The following ANKRD17 variants were observed in gnomAD, a reference collection of about 807,000 sequenced individuals.
ANKRD17 encodes ankyrin repeat domain 17.
ANKRD17 carries 19 observed loss-of-function variants against 229.7 expected under a neutral mutation model. The ratio of observed to expected loss-of-function variants is 0.08; its 90% CI spans 0.06 to 0.12. The LOEUF is 0.12. Ranked by LOEUF, ANKRD17 falls within the 10% of genes least tolerant of loss-of-function variation. ANKRD17 has a pLI of 1.00. For synonymous variants in ANKRD17, 1,112 were observed against 1,146.1 expected (o/e 0.97, Z 0.60); for missense variants, 2,176 against 3,176.8 (o/e 0.68, Z 7.57).
chr4:73,120,282 C>T lies in ANKRD17; in HGVS notation c.3905G>A (p.Arg1302Gln), dbSNP rs933287090. Residue 1302 changes from arginine to glutamine, a missense_variant, in exon 21 of 34, where the codon CGA (arginine) becomes CAA (glutamine). By Grantham distance (43) the Arg-to-Gln change is conservative. Coordinates refer to ENST00000358602, the MANE Select transcript of ANKRD17 (RefSeq NM_032217.5). ...AASGGYAEVGRVLLDKGADVN... is the reference protein window; with the variant it reads ...AASGGYAEVGQVLLDKGADVN... ...ATCAGCACCTTTATCCAAAAGAACTCGGCCCACCTCCGCATATCCACCAGA... is the reference window on the plus strand; with the variant it reads ...ATCAGCACCTTTATCCAAAAGAACTTGGCCCACCTCCGCATATCCACCAGA... 6 of 1,613,938 alleles carry T rather than the reference C, an allele frequency of 3.7e-6. No homozygotes were observed. Among genetic ancestry groups the T allele is most frequent in the African/African-American group, 1.3e-5 (1 of 74,896 alleles).
intron 21 of ANKRD17, among the ~76,000 whole-genome samples, chr4:73,119,715 A>G (rs957102797): frequency 6.6e-6 from 1 of 152,216 alleles, no homozygotes; most frequent in African/African-American, 2.4e-5. Context: ...GGCAACTTCT[A>G]CGTGACTGAA....
chr4:73,101,926 A>G (rs1302939036), intron 25 of ANKRD17, among the ~76,000 whole-genome samples: 2 of 151,894 alleles, frequency 1.3e-5, no homozygotes, highest in Non-Finnish European at 2.9e-5. Flanking sequence ...AAAAGCATAT[A>G]TCTTTTCTTT....
chr4:73,094,856 T>C (rs934423964), intron 27 of ANKRD17, among the ~76,000 whole-genome samples: 2 of 152,066 alleles, frequency 1.3e-5, no homozygotes, highest in East Asian at 3.9e-4. Context: ...TTCTCTAATA[T>C]ACATAACTCA....
intron 23 of ANKRD17, among the ~76,000 whole-genome samples, 156 bp from the exon 24 acceptor site, chr4:73,114,064 C>T (rs1725639241): frequency 6.6e-6 from 1 of 152,176 alleles, no homozygotes; most frequent in Non-Finnish European, 1.5e-5. Context: ...ACGTAATTGA[C>T]ATGGTATATT....
intron 3 of ANKRD17, among the ~76,000 whole-genome samples, chr4:73,157,827 C>T (rs1731862743): frequency 1.3e-5 from 2 of 152,096 alleles, no homozygotes; most frequent in Admixed American, 1.3e-4. Context: ...CAGTGGCTCA[C>T]GCCTGTAATC....
intron 3 of ANKRD17, among the ~76,000 whole-genome samples, chr4:73,157,581 C>T (rs559244966): frequency 1.3e-5 from 2 of 152,198 alleles, no homozygotes; most frequent in South Asian, 4.2e-4. Flanking sequence ...ATTTTATTAT[C>T]CTCTTAAAAT....
chr4:73,093,987 C>T (rs1052022639), intron 28 of ANKRD17, 92 bp downstream of exon 28: 40 of 1,242,740 alleles, frequency 3.2e-5, no homozygotes, highest in Non-Finnish European at 4.2e-5. Context: ...TACTATGTAA[C>T]ACAAAGTTCC....
At chr4:73,149,604 C>T (rs1026443160) in intron 7 of ANKRD17, among the ~76,000 whole-genome samples, 2 of 152,130 alleles carry the variant, frequency 1.3e-5, no homozygotes, top group Non-Finnish European at 2.9e-5. Context: ...TGGTGGCTCA[C>T]GCCTGTAATC....
chr4:73,167,703 T>C (rs1484750563), intron 2 of ANKRD17, among the ~76,000 whole-genome samples: 2 of 152,232 alleles, frequency 1.3e-5, no homozygotes, highest in Non-Finnish European at 2.9e-5. Context: ...AAATTAGGTC[T>C]CTACTCTTCT....
chr4:73,107,411 A>G (rs1306393468), intron 24 of ANKRD17, among the ~76,000 whole-genome samples: 1 of 152,264 alleles, frequency 6.6e-6, no homozygotes, highest in African/African-American at 2.4e-5. Flanking sequence ...AAACCGGATA[A>G]AACATCCCTG....
intron 1 of ANKRD17, among the ~76,000 whole-genome samples, chr4:73,253,031 TGTGA>T (rs1290109457): frequency 1.3e-5 from 2 of 152,148 alleles, no homozygotes; most frequent in Non-Finnish European, 2.9e-5. Flanking sequence ...TAACAGAGCA[TGTGA>T]ATGAGTGAGA....
intron 1 of ANKRD17, among the ~76,000 whole-genome samples, chr4:73,225,311 TA>T (rs1742353584): frequency 2.0e-5 from 3 of 152,178 alleles, no homozygotes; most frequent in Admixed American, 2.0e-4. Flanking sequence ...TCCTTTTCCA[TA>T]AACCAAGAAT....
intron 24 of ANKRD17, among the ~76,000 whole-genome samples, chr4:73,108,316 T>C (rs1724881793): frequency 6.6e-6 from 1 of 152,174 alleles, no homozygotes; most frequent in Admixed American, 6.5e-5. Context: ...ACATGTTGAA[T>C]AGCTAGCTGA....
At chr4:73,158,087 T>C (rs1295639921) in intron 3 of ANKRD17, among the ~76,000 whole-genome samples, 4 of 139,320 alleles carry the variant, frequency 2.9e-5, no homozygotes, top group East Asian at 2.1e-4. Flanking sequence ...TGAGACTCCA[T>C]CTTGAAGGAA....
At chr4:73,093,608 AG>A (rs1158055978) in intron 28 of ANKRD17, among the ~76,000 whole-genome samples, 3 of 152,048 alleles carry the variant, frequency 2.0e-5, no homozygotes, top group Non-Finnish European at 4.4e-5. Flanking sequence ...TCCTGACCTC[AG>A]GTGATCCGCC....
intron 1 of ANKRD17, among the ~76,000 whole-genome samples, chr4:73,253,985 GAGAGA>G (rs1343489268): frequency 5.9e-5 from 9 of 152,118 alleles, no homozygotes; most frequent in Non-Finnish European, 1.2e-4. Context: ...GCTTAAGCAG[GAGAGA>G]AGACAAGATA....
intron 18 of ANKRD17, among the ~76,000 whole-genome samples, chr4:73,122,019 G>A (rs919021969): frequency 1.3e-5 from 2 of 152,100 alleles, no homozygotes; most frequent in East Asian, 3.8e-4. Context: ...TGAAAATTTT[G>A]TGACATGCTT....
intron 5 of ANKRD17, among the ~76,000 whole-genome samples, chr4:73,154,904 A>G (rs1397756791): frequency 5.3e-5 from 8 of 151,926 alleles, no homozygotes; most frequent in Non-Finnish European, 8.8e-5. Flanking sequence ...AGCCGGGCAT[A>G]GTGGCAGGCG....
At chr4:73,137,431 G>A (rs1471325315) in intron 15 of ANKRD17, among the ~76,000 whole-genome samples, 2 of 152,142 alleles carry the variant, frequency 1.3e-5, no homozygotes, top group Non-Finnish European at 2.9e-5. Context: ...AAGAAATAAA[G>A]AGCAGGGACT....
Sources: gnomAD v4.1 joint callset for allele counts (sites outside exome capture counted in the v4.1 genomes callset) on GRCh38, gnomAD v4.1.1 for gene constraint, MANE v1.5 for transcripts, NCBI Gene and HGNC (gene_info 2026-07-23, HGNC 2026-07-21) for gene names.